The following ILRUN variants were observed in gnomAD, a reference collection of about 807,000 sequenced individuals.
The protein encoded by ILRUN is protein ILRUN.
In ILRUN, 3 loss-of-function variants were observed where a neutral mutation model predicts 33.8. That is an observed-to-expected ratio of 0.09 (90% CI 0.04 to 0.23). ILRUN has a LOEUF of 0.23. Ranked by LOEUF, ILRUN falls within the 10% of genes least tolerant of loss-of-function variation. ILRUN has a pLI of 1.00. For missense variants in ILRUN, 210 were observed against 375.1 expected, an observed-to-expected ratio of 0.56 and a Z score of 3.64; for synonymous variants, 124 against 138.9, an observed-to-expected ratio of 0.89 and a Z score of 0.75.
chr6:34,666,313 A>T (rs1375942588), intron 1 of ILRUN, among the ~76,000 whole-genome samples: 1 of 152,064 alleles, frequency 6.6e-6, no homozygotes, highest in Non-Finnish European at 1.5e-5. Flanking sequence ...TAATCCCAGC[A>T]CTTTGGGAGG....
chr6:34,645,674 T>C (rs1260506928), intron 3 of ILRUN, among the ~76,000 whole-genome samples: 1 of 152,204 alleles, frequency 6.6e-6, no homozygotes, highest in African/African-American at 2.4e-5. Flanking sequence ...GCCCAGCAGA[T>C]ATAAATTGTG....
At chr6:34,602,741 T>C (rs1761535856) in intron 4 of ILRUN, among the ~76,000 whole-genome samples, 2 of 152,246 alleles carry the variant, frequency 1.3e-5, no homozygotes, top group African/African-American at 2.4e-5. Context: ...GCCAGATTTA[T>C]GAATCTTTGA....
At chr6:34,688,048 C>T (rs146646538) in intron 1 of ILRUN, among the ~76,000 whole-genome samples, 86 of 151,322 alleles carry the variant, frequency 5.7e-4, no homozygotes, top group African/African-American at 2.0e-3. Context: ...AACGAATGAA[C>T]AGATGAAACA....
Position 34,682,041 on chromosome 6 carries a change from C to CTTTTTTTTTTTTTT in ILRUN, c.158+14391_158+14404dup, listed in dbSNP as rs552894159. ...TAATTCTTATATTTTTATTTTTTTA[C>CTTTTTTTTTTTTTT]TTTTTTTTTTTTTTCTAGAGACGGG... On this transcript the variant is annotated intron_variant, in intron 1 of 4. Transcript: ENST00000374023. 7.7e-5 allele frequency among the ~76,000 whole-genome samples: 7 copies of CTTTTTTTTTTTTTT among 90,556 alleles called. 1 individual carries two copies. The highest frequency in any genetic ancestry group is 1.7e-4 in the African/African-American group (4 of 23,652). 59.4% of individuals were successfully genotyped at this position (90,556 alleles called of 152,430 possible).
Position 34,609,799 on chromosome 6 carries a change from AAGCCACCAGCAGC to A in ILRUN, c.512-2908_512-2896del, listed in dbSNP as rs534742139. Among the ~76,000 whole-genome samples, 33 of 152,312 alleles carry A rather than the reference AAGCCACCAGCAGC, an allele frequency of 2.2e-4. 1 individual carries two copies. The East Asian group carries it at 3.7e-3, about 17-fold the overall frequency. ...TTTCTCCTCTAAGAAGAGGAAATTA[AAGCCACCAGCAGC>A]AGCACTAGTATGACTCACAGGAATG... is the stretch of plus-strand genomic sequence containing the variant. On this transcript the variant is annotated intron_variant, in intron 3 of 4. Transcript: ENST00000374023.
chr6:34,696,382 C>G, intron 1 of ILRUN, 64 bp downstream of exon 1: 1 of 1,486,508 alleles, frequency 6.7e-7, no homozygotes, highest in Non-Finnish European at 9.0e-7. Flanking sequence ...GCTCAAGTGT[C>G]CCTTCCCTTC....
intron 3 of ILRUN, among the ~76,000 whole-genome samples, chr6:34,643,893 G>T (rs994391617): frequency 2.6e-5 from 4 of 152,274 alleles, no homozygotes; most frequent in Admixed American, 2.6e-4. Flanking sequence ...GTAGAGACAG[G>T]ATTCCACTAG....
intron 1 of ILRUN, among the ~76,000 whole-genome samples, chr6:34,681,987 G>A (rs1359163272): frequency 6.7e-6 from 1 of 148,302 alleles, no homozygotes; most frequent in Non-Finnish European, 1.5e-5. Flanking sequence ...AAGTAGTTGG[G>A]ATTACAGGTG....
intron 3 of ILRUN, among the ~76,000 whole-genome samples, chr6:34,626,275 A>C (rs1185887588): frequency 1.3e-5 from 2 of 152,088 alleles, no homozygotes; most frequent in Admixed American, 1.3e-4. Context: ...GAGCTCAAAC[A>C]ATCTTCCCAC....
chr6:34,696,431 G>A lies in ILRUN; in HGVS notation c.158+15C>T, dbSNP rs770682333. 5 of 1,546,978 alleles carry A rather than the reference G, an allele frequency of 3.2e-6. No homozygotes were observed. Among genetic ancestry groups the A allele is most frequent in the Non-Finnish European group, 4.4e-6 (5 of 1,146,562 alleles). On this transcript the variant is annotated intron_variant, in intron 1 of 4. Transcript: ENST00000374023. ...CGAGGCCGCTGCCAGCGCTGGCACT[G>A]CGGGGCCGGCTCACCAGTTGGTCAT...
At chr6:34,688,402 CAAA>C (rs10573054) in intron 1 of ILRUN, among the ~76,000 whole-genome samples, 57 of 94,132 alleles carry the variant, frequency 6.1e-4, no homozygotes, top group African/African-American at 1.2e-3. Flanking sequence ...GACCCTGTCT[CAAA>C]AAAAAAAAAA....
At chr6:34,637,731 C>T (rs539888288) in intron 3 of ILRUN, among the ~76,000 whole-genome samples, 8 of 152,288 alleles carry the variant, frequency 5.3e-5, no homozygotes, top group African/African-American at 1.9e-4. Context: ...CAAAGGATTA[C>T]TGTTTCATCA....
In ILRUN at chr6:34,625,875, G is replaced by A. The variant is rs189395477; in HGVS notation, c.512-18971C>T. On this transcript the variant is annotated intron_variant, in intron 3 of 4. Coordinates refer to ENST00000374023, the MANE Select transcript of ILRUN (RefSeq NM_024294.4). The stretch of plus-strand genomic sequence containing the variant: ...TTTTTTTTTTTTTTTTTGAGATAGC[G>A]AGTCTCGCTCTGTCGCTCAGGCTGG... Among the ~76,000 whole-genome samples the A allele has an allele frequency of 2.1e-3, 286 of 137,468 alleles. 7 individuals are homozygous for A. Among genetic ancestry groups the A allele is most frequent in the Non-Finnish European group, 8.0e-4 (52 of 65,320 alleles). 90.2% of individuals were successfully genotyped at this position (137,468 alleles called of 152,430 possible).
chr6:34,679,963 C>T (rs1245168329), intron 1 of ILRUN, among the ~76,000 whole-genome samples: 1 of 152,238 alleles, frequency 6.6e-6, no homozygotes, highest in Non-Finnish European at 1.5e-5. Flanking sequence ...GGATCATGGA[C>T]CTGCTAACAC....
rs1761232619 is a variant in ILRUN, at chr6:34,588,246, T to C, written c.*2319A>G. 1 of 398,756 alleles carries C rather than the reference T, an allele frequency of 2.5e-6. No individual in the cohort carries two copies. Among genetic ancestry groups the C allele is most frequent in the East Asian group, 3.6e-5 (1 of 28,090 alleles). 24.7% of individuals were successfully genotyped at this position (398,756 alleles called of 1,614,324 possible). On this transcript the variant is annotated 3_prime_UTR_variant, in exon 5 of 5. Coordinates refer to ENST00000374023, the MANE Select transcript of ILRUN (RefSeq NM_024294.4). ...GTTCTTGGGAAGGGAGACAAGGTGC[T>C]TGGGACATTTAACTTGCCAAGTGTG...
chr6:34,673,920 C>T (rs1480957318), intron 1 of ILRUN, among the ~76,000 whole-genome samples: 2 of 151,534 alleles, frequency 1.3e-5, no homozygotes, highest in Non-Finnish European at 2.9e-5. Context: ...CACACACACA[C>T]ACACACACAC....
At chr6:34,692,227 G>A (rs1403365724) in intron 1 of ILRUN, among the ~76,000 whole-genome samples, 1 of 152,194 alleles carries the variant, frequency 6.6e-6, no homozygotes, top group African/African-American at 2.4e-5. Flanking sequence ...GCCTCCCAAA[G>A]TGCTGGGATT....
intron 3 of ILRUN, among the ~76,000 whole-genome samples, chr6:34,633,871 TGGAGGGAGAGAGGGAGGGAGGGAG>T (rs1562010989): frequency 1.7e-5 from 1 of 58,602 alleles, no homozygotes; most frequent in Admixed American, 2.4e-4. Flanking sequence ...GAGGGAGACA[TGGAGGGAGAGAGGGAGGGAGGGAG>T]GGAGGGAGGG....
At chr6:34,683,518 A>ATGTGTG (rs376986115) in intron 1 of ILRUN, among the ~76,000 whole-genome samples, 7 of 99,632 alleles carry the variant, frequency 7.0e-5, no homozygotes, top group Non-Finnish European at 1.3e-4. Flanking sequence ...ATATATACAT[A>ATGTGTG]TATATATATA....
Sources: allele counts gnomAD v4.1 joint callset (sites outside exome capture counted in the v4.1 genomes callset), GRCh38; gene constraint gnomAD v4.1.1; transcripts MANE v1.5; gene names NCBI Gene and HGNC (gene_info 2026-07-23, HGNC 2026-07-21).